MYO6: variants seen among roughly 807,000 people sequenced by gnomAD.
The protein encoded by MYO6 is myosin VI, also known as unconventional myosin-VI.
A neutral mutation model predicts 178.7 loss-of-function variants in MYO6; 74 were observed. The observed-to-expected ratio is 0.41, with a 90% CI of 0.34 to 0.50. The LOEUF (loss-of-function observed/expected upper bound fraction) is 0.50. Among genes scored for constraint, MYO6 ranks in the 20% least tolerant of loss-of-function variants. The pLI, the probability that MYO6 is intolerant of heterozygous loss-of-function variation, is 0.09. For missense variants in MYO6, 1,330 were observed against 1,547.4 expected, an observed-to-expected ratio of 0.86 and a Z score of 2.36; for synonymous variants, 477 against 504.6, an observed-to-expected ratio of 0.95 and a Z score of 0.73.
intron 32 of MYO6, among the ~76,000 whole-genome samples, chr6:75,910,162 T>C (rs935304207): frequency 6.6e-6 from 1 of 152,192 alleles, no homozygotes; most frequent in African/African-American, 2.4e-5. Context: ...ATGATTACAT[T>C]AGCTGTTCAC....
chr6:75,909,174 G>A (rs1368947069), intron 32 of MYO6, among the ~76,000 whole-genome samples: 1 of 152,212 alleles, frequency 6.6e-6, no homozygotes, highest in Non-Finnish European at 1.5e-5. Context: ...ATAGGCATGA[G>A]CTACTGCTCC....
intron 10 of MYO6, among the ~76,000 whole-genome samples, chr6:75,845,320 T>C (rs1774623220): frequency 6.6e-6 from 1 of 152,194 alleles, no homozygotes; most frequent in Non-Finnish European, 1.5e-5. Context: ...TAAGTATATG[T>C]CTTTTACAAT....
At chr6:75,802,660 A>G (rs749477176) in intron 1 of MYO6, among the ~76,000 whole-genome samples, 7 of 151,430 alleles carry the variant, frequency 4.6e-5, no homozygotes, top group African/African-American at 1.7e-4. Context: ...TAGTTTTTGT[A>G]TTTTTTGTAG....
At chr6:75,830,659 A>G (rs1384784229) in intron 5 of MYO6, 114 bp downstream of exon 5, 5 of 1,014,426 alleles carry the variant, frequency 4.9e-6, no homozygotes, top group Non-Finnish European at 7.5e-6. Flanking sequence ...TATTTTGGAG[A>G]AACTGTATAC....
intron 1 of MYO6, among the ~76,000 whole-genome samples, chr6:75,792,269 A>G (rs1342097837): frequency 6.6e-6 from 1 of 152,256 alleles, no homozygotes; most frequent in East Asian, 1.9e-4. Context: ...GATCCAGTCC[A>G]GCACATTTTA....
At chr6:75,794,760 AT>A (rs1380216081) in intron 1 of MYO6, among the ~76,000 whole-genome samples, 12 of 139,856 alleles carry the variant, frequency 8.6e-5, no homozygotes, top group South Asian at 6.6e-4. Context: ...AAAAAAAAAA[AT>A]AAAATGTGCT....
chr6:75,772,639 A>G (rs1766008672), intron 1 of MYO6, among the ~76,000 whole-genome samples: 1 of 152,230 alleles, frequency 6.6e-6, no homozygotes, highest in Non-Finnish European at 1.5e-5. Flanking sequence ...CAGCTCTGAA[A>G]AGAGTTTTGG....
chr6:75,844,960 A>G lies in MYO6; in HGVS notation c.880A>G (p.Asn294Asp). 6.2e-7 allele frequency: 1 copy of G among 1,613,128 alleles called. No homozygotes were observed. The highest frequency in any genetic ancestry group is 1.1e-5 in the South Asian group (1 of 91,046). The change falls in exon 10 of 35, where the codon AAC becomes GAC. Residue 294 changes from asparagine (N) to aspartate (D), a missense_variant. Physicochemically the swap from Asn to Asp is conservative, Grantham distance 23. This residue lies in a region of MYO6 where 613 missense variants were observed against 816.8 expected (regional missense o/e 0.75). Coordinates refer to ENST00000369977, the MANE Select transcript of MYO6 (RefSeq NM_004999.4). ...AGAAACTGACAAACAGATTTTACAG[A>G]ACCGCAAAAGTCCTGAGGTATAGTA... Reference protein sequence around the residue: ...NKETDKQILQNRKSPEYLKAG... With the variant: ...NKETDKQILQDRKSPEYLKAG...
At chr6:75,890,775 C>T (rs1163236358) in intron 26 of MYO6, among the ~76,000 whole-genome samples, 2 of 152,144 alleles carry the variant, frequency 1.3e-5, no homozygotes, top group African/African-American at 4.8e-5. Flanking sequence ...ATTTGTTAGC[C>T]TCTTACACCT....
At chr6:75,888,476 C>G (rs888142464) in intron 25 of MYO6, among the ~76,000 whole-genome samples, 7 of 151,780 alleles carry the variant, frequency 4.6e-5, no homozygotes, top group African/African-American at 1.7e-4. Context: ...ATTATTTGGG[C>G]ATGGTGGTAT....
chr6:75,774,177 A>G (rs1355314966), intron 1 of MYO6, among the ~76,000 whole-genome samples: 1 of 152,220 alleles, frequency 6.6e-6, no homozygotes, highest in Non-Finnish European at 1.5e-5. Context: ...GTTTTTTGAG[A>G]TGTTAAATAT....
At chr6:75,749,761 T>G (rs1776688788) in intron 1 of MYO6, among the ~76,000 whole-genome samples, 1 of 152,236 alleles carries the variant, frequency 6.6e-6, no homozygotes, top group Admixed American at 6.5e-5. Context: ...TTTTCTCTTT[T>G]GTAAACACGC....
intron 1 of MYO6, among the ~76,000 whole-genome samples, chr6:75,773,574 A>G (rs984423294): frequency 2.0e-5 from 3 of 152,204 alleles, no homozygotes; most frequent in African/African-American, 7.2e-5. Context: ...TAGAGGCACA[A>G]TGCCAGGATT....
Position 75,776,864 on chromosome 6 carries a change from T to C in MYO6, c.-48+27441T>C, listed in dbSNP as rs115359532. Among the ~76,000 whole-genome samples, 448 of 152,304 alleles carry C rather than the reference T, an allele frequency of 2.9e-3. 1 individual carries two copies. Among genetic ancestry groups the C allele is most frequent in the African/African-American group, 0.01 (419 of 41,564 alleles). On this transcript the variant is annotated intron_variant, in intron 1 of 34. Transcript: ENST00000369977. ...TGTTTTTTTAACATGAAAGATCTTGTACTCCATAAAATGTTTTACAATTCT... is the reference window on the plus strand; with the variant it reads ...TGTTTTTTTAACATGAAAGATCTTGCACTCCATAAAATGTTTTACAATTCT...
At position 75,894,828 on chromosome 6, in the gene MYO6, C is replaced by T. The variant is rs181080677; in HGVS notation, c.3108-403C>T. 4.1e-5 allele frequency: 62 copies of T among 1,517,932 alleles called. 1 individual carries two copies. The Admixed American group carries it at 5.2e-4, about 13-fold the overall frequency. The allele number at this position is 1,517,932 out of a possible 1,614,324, so 94.0% of individuals were successfully genotyped here. ...TACTTTTCCAGCTTGGATTCCTATC[C>T]GGTAACTTCTAAGTAAGAATTGTTT... On this transcript the variant is annotated intron_variant, in intron 28 of 34. Coordinates refer to ENST00000369977, the MANE Select transcript of MYO6 (RefSeq NM_004999.4).
intron 1 of MYO6, among the ~76,000 whole-genome samples, chr6:75,772,488 T>TA (rs1765991463): frequency 6.6e-6 from 1 of 152,172 alleles, no homozygotes; most frequent in African/African-American, 2.4e-5. Context: ...ACATTTTACA[T>TA]TAGGAATCAT....
intron 32 of MYO6, among the ~76,000 whole-genome samples, chr6:75,910,526 G>A (rs1431424918): frequency 6.6e-6 from 1 of 152,102 alleles, no homozygotes; most frequent in East Asian, 1.9e-4. Context: ...GAAAACAAAA[G>A]AGTAGATTAG....
chr6:75,848,783 A>C (rs1351475639), intron 11 of MYO6, among the ~76,000 whole-genome samples: 8 of 152,118 alleles, frequency 5.3e-5, no homozygotes, highest in African/African-American at 1.7e-4. Flanking sequence ...ATAACTGACT[A>C]TTTTATCCTG....
chr6:75,835,484 T>C (rs1446551762), intron 6 of MYO6, among the ~76,000 whole-genome samples: 1 of 151,972 alleles, frequency 6.6e-6, no homozygotes, highest in Non-Finnish European at 1.5e-5. Context: ...CAGGCTGGAG[T>C]GCAGTGGTGC....
Sources: allele counts gnomAD v4.1 joint callset (sites outside exome capture counted in the v4.1 genomes callset), GRCh38; gene constraint gnomAD v4.1.1; regional missense constraint gnomAD v4.1.1; transcripts MANE v1.5; gene names NCBI Gene and HGNC (gene_info 2026-07-23, HGNC 2026-07-21).